ZBTB20: variants seen among roughly 807,000 people sequenced by gnomAD.
ZBTB20 encodes the protein zinc finger and BTB domain-containing protein 20.
ZBTB20 carries 9 observed loss-of-function variants against 56.9 expected under a neutral mutation model. The ratio of observed to expected loss-of-function variants is 0.16; its 90% confidence interval spans 0.10 to 0.28. ZBTB20 has a LOEUF of 0.28. Among genes scored for constraint, ZBTB20 ranks in the 10% least tolerant of loss-of-function variants. The pLI is 1.00. For missense variants in ZBTB20, 655 were observed against 1,003.0 expected (o/e 0.65, Z 4.69); for synonymous variants, 417 against 420.7 (o/e 0.99, Z 0.11).
intron 6 of ZBTB20, among the ~76,000 whole-genome samples, chr3:114,557,430 T>G (rs1428988355): frequency 6.6e-6 from 1 of 152,012 alleles, no homozygotes; most frequent in Non-Finnish European, 1.5e-5. Context: ...ATAAGCTCAG[T>G]ACATTTAGTA....
At chr3:115,082,192 C>A (rs369653931) in intron 1 of ZBTB20, among the ~76,000 whole-genome samples, 9 of 152,202 alleles carry the variant, frequency 5.9e-5, no homozygotes, top group African/African-American at 2.2e-4. Context: ...AAATAAAAAC[C>A]AATTGATGCA....
intron 4 of ZBTB20, among the ~76,000 whole-genome samples, chr3:114,850,103 T>C (rs1001952519): frequency 6.6e-6 from 1 of 151,992 alleles, no homozygotes; most frequent in South Asian, 2.1e-4. Context: ...TTTCACCATG[T>C]TGGCCAGGCT....
intron 7 of ZBTB20, among the ~76,000 whole-genome samples, chr3:114,438,991 T>C (rs2090729766): frequency 6.6e-6 from 1 of 151,990 alleles, no homozygotes; most frequent in Non-Finnish European, 1.5e-5. Context: ...CTTCCTACGG[T>C]AAGGACACAA....
rs756793314 is a variant in ZBTB20 at position 114,372,886 on chromosome 3, CT to C, written c.199+7330del. Among the ~76,000 whole-genome samples, 21 of 152,242 alleles carry C rather than the reference CT, an allele frequency of 1.4e-4. 1 individual carries two copies. The highest frequency in any genetic ancestry group is 2.5e-4 in the Non-Finnish European group (17 of 68,006). On this transcript the variant is annotated intron_variant, in intron 10 of 11. Transcript: ENST00000675478. ...AAAAGAAAATTTATTTTGTGATTTA[CT>C]GATCAAAATCATCACTAGGTCCTTC...
chr3:114,944,266 T>C (rs1010443883), intron 3 of ZBTB20, among the ~76,000 whole-genome samples: 3 of 145,424 alleles, frequency 2.1e-5, no homozygotes, highest in African/African-American at 8.4e-5. Flanking sequence ...AAAAGCAAAT[T>C]AGAACCACAA....
At chr3:115,070,597 GAA>G in intron 2 of ZBTB20, among the ~76,000 whole-genome samples, 1 of 152,036 alleles carries the variant, frequency 6.6e-6, no homozygotes, top group Middle Eastern at 3.4e-3. Flanking sequence ...ATTTACCATG[GAA>G]AAATACAAAC....
intron 6 of ZBTB20, among the ~76,000 whole-genome samples, chr3:114,650,667 T>C (rs2060081890): frequency 6.6e-6 from 1 of 151,954 alleles, no homozygotes; most frequent in African/African-American, 2.4e-5. Flanking sequence ...GCTATTTTCA[T>C]GGTCATTTAA....
chr3:114,422,485 G>C (rs574679880), intron 7 of ZBTB20, among the ~76,000 whole-genome samples: 1 of 152,132 alleles, frequency 6.6e-6, no homozygotes, highest in Non-Finnish European at 1.5e-5. Context: ...TGATAAGATT[G>C]TAAGAGCAAA....
chr3:115,147,187 G>T (rs889061738), intron 1 of ZBTB20, 32 bp downstream of exon 1: 2 of 139,258 alleles, frequency 1.4e-5, no homozygotes, highest in Non-Finnish European at 3.1e-5. Context: ...TCTCCCGCCC[G>T]TCCCACAACA....
chr3:114,433,718 T>C (rs765370392), intron 7 of ZBTB20, among the ~76,000 whole-genome samples: 2 of 152,186 alleles, frequency 1.3e-5, no homozygotes, highest in Admixed American at 6.5e-5. Context: ...GAATGAGACA[T>C]ATAAACATGC....
chr3:114,734,649 T>C (rs866445256), intron 5 of ZBTB20, among the ~76,000 whole-genome samples: 8 of 152,040 alleles, frequency 5.3e-5, no homozygotes, highest in South Asian at 2.1e-4. Context: ...ATATTAAACA[T>C]TGAAATAAAT....
intron 6 of ZBTB20, among the ~76,000 whole-genome samples, chr3:114,608,432 A>G (rs769332039): frequency 3.3e-5 from 5 of 152,308 alleles, no homozygotes; most frequent in East Asian, 3.9e-4. Context: ...AGGAATGTGC[A>G]TATTTCAAGG....
chr3:114,991,373 C>T (rs751313486), intron 2 of ZBTB20, among the ~76,000 whole-genome samples: 24 of 152,164 alleles, frequency 1.6e-4, no homozygotes, highest in African/African-American at 5.5e-4. Context: ...ACCCAGTAGT[C>T]ACTCAGGAGC....
At chr3:114,705,837 C>T (rs953993667) in intron 5 of ZBTB20, among the ~76,000 whole-genome samples, 1 of 152,188 alleles carries the variant, frequency 6.6e-6, no homozygotes, top group African/African-American at 2.4e-5. Context: ...CTGGGGCATA[C>T]TGCATCCATA....
At chr3:114,659,785 G>C (rs1279292028) in intron 6 of ZBTB20, among the ~76,000 whole-genome samples, 1 of 152,114 alleles carries the variant, frequency 6.6e-6, no homozygotes, top group African/African-American at 2.4e-5. Context: ...TAAAGGAAAA[G>C]ATTTATGAAG....
chr3:114,777,662 T>A (rs1256529460), intron 5 of ZBTB20, among the ~76,000 whole-genome samples: 2 of 152,092 alleles, frequency 1.3e-5, no homozygotes, highest in African/African-American at 4.8e-5. Flanking sequence ...GTAAACTAGT[T>A]CAACCATTGT....
chr3:114,709,407 A>G (rs2063914607), intron 5 of ZBTB20, among the ~76,000 whole-genome samples: 1 of 152,218 alleles, frequency 6.6e-6, no homozygotes. Context: ...GTTCCAAGTT[A>G]TAAAACAGAG....
chr3:115,113,339 G>A (rs532144829), intron 1 of ZBTB20, among the ~76,000 whole-genome samples: 1 of 152,184 alleles, frequency 6.6e-6, no homozygotes, highest in African/African-American at 2.4e-5. Context: ...ATAATTGATG[G>A]GTGAATTCCT....
intron 10 of ZBTB20, among the ~76,000 whole-genome samples, chr3:114,355,537 G>A (rs1354183984): frequency 1.3e-5 from 2 of 152,204 alleles, no homozygotes; most frequent in African/African-American, 2.4e-5. Context: ...CAATGCTGAG[G>A]CAATTCCTTT....
Sources: gnomAD v4.1 joint callset for allele counts (sites outside exome capture counted in the v4.1 genomes callset) on GRCh38, gnomAD v4.1.1 for gene constraint, MANE v1.5 for transcripts, NCBI Gene and HGNC (gene_info 2026-07-23, HGNC 2026-07-21) for gene names.